NPAS3: variants seen among roughly 807,000 people sequenced by gnomAD.
The protein encoded by NPAS3 is neuronal PAS domain protein 3.
Under a neutral mutation model 73.1 loss-of-function variants are expected in NPAS3, and 14 were observed. The ratio of observed to expected loss-of-function variants is 0.19; its 90% CI spans 0.13 to 0.30. The LOEUF is 0.30. Among genes scored for constraint, NPAS3 ranks in the 10% least tolerant of loss-of-function variants. The pLI is 1.00. For synonymous variants in NPAS3, 620 were observed against 541.5 expected (o/e 1.14, Z -2.01); for missense variants, 1,096 against 1,250.0 (o/e 0.88, Z 1.86).
chr14:33,197,260 TG>T, intron 2 of NPAS3, among the ~76,000 whole-genome samples: 1 of 149,432 alleles, frequency 6.7e-6, no homozygotes. Flanking sequence ...TGTGTGTGTG[TG>T]TGTGTGTTCT....
intron 5 of NPAS3, among the ~76,000 whole-genome samples, chr14:33,640,094 G>A (rs144189621): frequency 1.4e-3 from 218 of 152,004 alleles, no homozygotes; most frequent in East Asian, 8.9e-3. Flanking sequence ...GTGTACGTCC[G>A]TAATCCCAGC....
At chr14:33,468,321 C>T (rs561041165) in intron 4 of NPAS3, among the ~76,000 whole-genome samples, 2 of 152,320 alleles carry the variant, frequency 1.3e-5, no homozygotes, top group South Asian at 4.1e-4. Context: ...AAACTTATAA[C>T]TGCATAACGA....
At chr14:33,617,200 C>T (rs187173655) in intron 5 of NPAS3, among the ~76,000 whole-genome samples, 159 of 152,278 alleles carry the variant, frequency 1.0e-3, no homozygotes, top group Non-Finnish European at 1.9e-3. Flanking sequence ...AACAAAAAAT[C>T]GAAGCCTCCA....
intron 4 of NPAS3, among the ~76,000 whole-genome samples, chr14:33,504,619 G>A (rs2052671743): frequency 1.3e-5 from 2 of 151,980 alleles, no homozygotes; most frequent in Admixed American, 6.6e-5. Context: ...ATGAATTGAT[G>A]TATTTTTCTT....
intron 4 of NPAS3, among the ~76,000 whole-genome samples, chr14:33,393,025 C>T (rs1033697285): frequency 2.0e-5 from 3 of 152,106 alleles, no homozygotes; most frequent in Non-Finnish European, 2.9e-5. Flanking sequence ...TGTGATACTG[C>T]TGAGAAATTT....
intron 2 of NPAS3, among the ~76,000 whole-genome samples, chr14:33,184,849 T>C (rs1037109703): frequency 6.6e-6 from 1 of 152,190 alleles, no homozygotes; most frequent in African/African-American, 2.4e-5. Flanking sequence ...GATGGAGATC[T>C]GTTTGGTGCT....
intron 1 of NPAS3, among the ~76,000 whole-genome samples, chr14:32,961,078 T>C (rs2036892391): frequency 6.6e-6 from 1 of 152,228 alleles, no homozygotes; most frequent in Non-Finnish European, 1.5e-5. Context: ...CAAAGTGATA[T>C]TTGACCAGTA....
chr14:33,611,805 G>A (rs989521344), intron 5 of NPAS3, among the ~76,000 whole-genome samples: 7 of 152,126 alleles, frequency 4.6e-5, no homozygotes, highest in African/African-American at 1.7e-4. Context: ...AATGATAAAT[G>A]AGATGATTAT....
chr14:33,067,440 T>A (rs904442902), intron 2 of NPAS3, among the ~76,000 whole-genome samples: 1 of 152,256 alleles, frequency 6.6e-6, no homozygotes, highest in Non-Finnish European at 1.5e-5. Context: ...GGTTATCACA[T>A]AGAAATGGAT....
chr14:33,010,055 G>C (rs1026448409), intron 1 of NPAS3, among the ~76,000 whole-genome samples: 3 of 152,096 alleles, frequency 2.0e-5, no homozygotes, highest in Admixed American at 1.3e-4. Context: ...ATAATGCATG[G>C]AACAGTGTCA....
intron 4 of NPAS3, among the ~76,000 whole-genome samples, chr14:33,470,905 A>G (rs535090652): frequency 6.6e-6 from 1 of 150,904 alleles, no homozygotes; most frequent in African/African-American, 2.5e-5. Flanking sequence ...GAAACTCACA[A>G]GCTGATGCGG....
intron 1 of NPAS3, among the ~76,000 whole-genome samples, chr14:32,957,499 G>A (rs1001826007): frequency 2.6e-5 from 4 of 151,688 alleles, no homozygotes; most frequent in African/African-American, 9.7e-5. Context: ...AGCCTCCCGA[G>A]TAGCTGGGTC....
At chr14:32,956,067 T>C (rs1481880086) in intron 1 of NPAS3, among the ~76,000 whole-genome samples, 2 of 152,086 alleles carry the variant, frequency 1.3e-5, no homozygotes, top group Admixed American at 1.3e-4. Flanking sequence ...ATACCATTGA[T>C]GGTTTTTTTT....
intron 4 of NPAS3, among the ~76,000 whole-genome samples, chr14:33,479,954 A>G (rs912694273): frequency 9.2e-5 from 14 of 152,298 alleles, no homozygotes; most frequent in Admixed American, 2.6e-4. Flanking sequence ...CAACATTATC[A>G]AAATTATCCT....
chr14:33,271,721 T>C (rs1039253621), intron 3 of NPAS3, among the ~76,000 whole-genome samples: 1 of 152,188 alleles, frequency 6.6e-6, no homozygotes, highest in Non-Finnish European at 1.5e-5. Context: ...AGAGCAGTAT[T>C]AGCATAATTA....
At chr14:33,503,278 G>T (rs534472209) in intron 4 of NPAS3, among the ~76,000 whole-genome samples, 169 of 151,984 alleles carry the variant, frequency 1.1e-3, no homozygotes, top group African/African-American at 3.9e-3. Flanking sequence ...TCTAATATTA[G>T]TCATATATTC....
At chr14:33,186,448 G>A (rs1039897534) in intron 2 of NPAS3, among the ~76,000 whole-genome samples, 8 of 152,120 alleles carry the variant, frequency 5.3e-5, no homozygotes, top group African/African-American at 1.9e-4. Context: ...CTGTGCTGGT[G>A]ACTCAATTAT....
intron 1 of NPAS3, among the ~76,000 whole-genome samples, chr14:33,018,781 CAATT>C (rs2039485564): frequency 6.6e-6 from 1 of 152,118 alleles, no homozygotes; most frequent in Non-Finnish European, 1.5e-5. Flanking sequence ...TTCTTCTTCA[CAATT>C]AATTGTAAGA....
At chr14:33,780,576 T>C (rs941631505) in intron 9 of NPAS3, 17 of 439,034 alleles carry the variant, frequency 3.9e-5, no homozygotes, top group Non-Finnish European at 7.2e-5. Flanking sequence ...TCTTCCTCAG[T>C]TATTATTTGG....
Sources: allele counts gnomAD v4.1 joint callset (sites outside exome capture counted in the v4.1 genomes callset), GRCh38; gene constraint gnomAD v4.1.1; transcripts MANE v1.5; gene names NCBI Gene and HGNC (gene_info 2026-07-23, HGNC 2026-07-21).